Variants in CTNND2 observed in about 807,000 individuals in gnomAD.
CTNND2 encodes catenin delta-2.
Under a neutral mutation model 144.4 loss-of-function variants are expected in CTNND2, and 22 were observed. The observed-to-expected ratio is 0.15, with a 90% CI of 0.11 to 0.22. The LOEUF (loss-of-function observed/expected upper bound fraction) is 0.22, where lower values mean the gene tolerates loss of function less well. Among genes scored for constraint, CTNND2 ranks in the 10% least tolerant of loss-of-function variants. CTNND2 has a pLI of 1.00. For missense variants in CTNND2, 1,353 were observed against 1,618.8 expected (o/e 0.84, Z 2.82); for synonymous variants, 751 against 695.6 (o/e 1.08, Z -1.25).
At chr5:11,080,486 G>A (rs1165437798) in intron 16 of CTNND2, among the ~76,000 whole-genome samples, 1 of 152,172 alleles carries the variant, frequency 6.6e-6, no homozygotes, top group Non-Finnish European at 1.5e-5. Context: ...ATATCCAGAG[G>A]ATCTGGTATC....
In CTNND2 at chr5:11,897,408, G is replaced by A. The variant is rs111789918; in HGVS notation, c.37+6409C>T. Among the ~76,000 whole-genome samples, 1,052 of 152,162 alleles carry A rather than the reference G, an allele frequency of 6.9e-3. 6 individuals are homozygous for A. Among genetic ancestry groups the A allele is most frequent in the African/African-American group, 0.024 (1,004 of 41,518 alleles). On this transcript the variant is annotated intron_variant, in intron 1 of 21. Transcript: ENST00000304623. The stretch of plus-strand genomic sequence containing the variant: ...AATGTTTATCTTCTTTCTTTACTGT[G>A]TCCATGATTTCTCCTATTAATTGCA...
intron 2 of CTNND2, among the ~76,000 whole-genome samples, chr5:11,711,525 C>CACATAAAAGT (rs1786034180): frequency 6.6e-6 from 1 of 152,090 alleles, no homozygotes; most frequent in Admixed American, 6.5e-5. Context: ...ATGTTAATGG[C>CACATAAAAGT]ACATAAAAGT....
At position 11,262,761 on chromosome 5, in the gene CTNND2, CAAAAAAAAAAAAAAAAAAAAAA is replaced by C. The variant is rs11289676; in HGVS notation, c.1629-25960_1629-25939del. Among the ~76,000 whole-genome samples, 429 of 45,766 alleles carry C rather than the reference CAAAAAAAAAAAAAAAAAAAAAA, an allele frequency of 9.4e-3. 6 individuals are homozygous for C. Among genetic ancestry groups the C allele is most frequent in the Non-Finnish European group, 5.1e-3 (140 of 27,604 alleles). 30.0% of individuals were successfully genotyped at this position (45,766 alleles called of 152,430 possible). ...TGGGTGACAGAGTAAGACTCTGTCT[CAAAAAAAAAAAAAAAAAAAAAA>C]AAAAAGAAAGAAAGAAAGAAACGAA... On this transcript the variant is annotated intron_variant, in intron 9 of 21. Coordinates refer to ENST00000304623, the MANE Select transcript of CTNND2 (RefSeq NM_001332.4).
At chr5:11,827,591 G>A (rs1288723670) in intron 1 of CTNND2, among the ~76,000 whole-genome samples, 1 of 151,924 alleles carries the variant, frequency 6.6e-6, no homozygotes, top group African/African-American at 2.4e-5. Flanking sequence ...CTGAAGTCAG[G>A]GAAAAACAGA....
intron 1 of CTNND2, among the ~76,000 whole-genome samples, chr5:11,870,216 T>C (rs1322569791): frequency 2.0e-5 from 3 of 152,168 alleles, no homozygotes; most frequent in South Asian, 2.1e-4. Context: ...TAGGAGGCAT[T>C]TGGCAATCCC....
rs879365089 is a variant in CTNND2 at position 11,084,060 on chromosome 5, C to G, written c.2638-1214G>C. 3 of 609,468 alleles carry G rather than the reference C, an allele frequency of 4.9e-6. No individual in the cohort carries two copies. In the South Asian group the frequency reaches 1.7e-4, roughly 34 times the overall value. 37.8% of individuals were successfully genotyped at this position (609,468 alleles called of 1,614,324 possible). A position where few individuals can be genotyped will look rare whatever the true frequency, so the allele number is the denominator to read the frequency against. The stretch of plus-strand genomic sequence containing the variant: ...ATCAACCCACACTGTATGCTTTTGT[C>G]TCACCTCTACTTTGTATCTCAAGCT... On this transcript the variant is annotated intron_variant, in intron 15 of 21. Transcript: ENST00000304623.
chr5:11,375,974 G>T (rs911852637), intron 7 of CTNND2, among the ~76,000 whole-genome samples: 3 of 152,022 alleles, frequency 2.0e-5, no homozygotes, highest in Non-Finnish European at 4.4e-5. Flanking sequence ...TTAGGAGGTG[G>T]GGCCTCTGGG....
chr5:11,296,683 G>C (rs1438430726), intron 9 of CTNND2, among the ~76,000 whole-genome samples: 1 of 152,186 alleles, frequency 6.6e-6, no homozygotes, highest in African/African-American at 2.4e-5. Flanking sequence ...GTCCTTTGTA[G>C]GGACAAGGAT....
chr5:11,043,217 C>G (rs139563356), intron 16 of CTNND2, among the ~76,000 whole-genome samples: 15 of 151,910 alleles, frequency 9.9e-5, no homozygotes, highest in African/African-American at 3.6e-4. Context: ...TTGGTTTGTG[C>G]TTTAGATATT....
intron 9 of CTNND2, among the ~76,000 whole-genome samples, chr5:11,331,858 C>T (rs1279628895): frequency 6.6e-6 from 1 of 152,136 alleles, no homozygotes; most frequent in Non-Finnish European, 1.5e-5. Context: ...CTATTGCACA[C>T]TGGGGTGGCT....
At chr5:11,111,476 C>T (rs538689124) in intron 13 of CTNND2, among the ~76,000 whole-genome samples, 5 of 152,196 alleles carry the variant, frequency 3.3e-5, no homozygotes, top group East Asian at 1.9e-4. Context: ...TACTGCCCAC[C>T]GGAGCATTTT....
At chr5:11,014,018 C>T (rs1806984) in intron 18 of CTNND2, among the ~76,000 whole-genome samples, 25,891 of 152,218 alleles carry the variant, frequency 0.17, 2,394 homozygotes, top group Admixed American at 0.27. Flanking sequence ...TCAAGGTCAC[C>T]TGCTGGCCTT....
intron 11 of CTNND2, among the ~76,000 whole-genome samples, chr5:11,186,603 C>G (rs925640130): frequency 6.6e-6 from 1 of 152,196 alleles, no homozygotes; most frequent in African/African-American, 2.4e-5. Context: ...GTCTCCTAAT[C>G]CTCCACCCCT....
intron 7 of CTNND2, among the ~76,000 whole-genome samples, chr5:11,374,705 A>C (rs1757754723): frequency 6.6e-6 from 1 of 151,694 alleles, no homozygotes; most frequent in African/African-American, 2.4e-5. Flanking sequence ...TCTGGCTTCC[A>C]GACCTCATTA....
At chr5:11,504,406 T>A (rs1425736969) in intron 3 of CTNND2, among the ~76,000 whole-genome samples, 8 of 152,218 alleles carry the variant, frequency 5.3e-5, no homozygotes, top group South Asian at 2.1e-4. Flanking sequence ...TTTAAAAAAA[T>A]TGTATATGTA....
At chr5:11,318,599 T>C (rs1000046587) in intron 9 of CTNND2, among the ~76,000 whole-genome samples, 2 of 152,142 alleles carry the variant, frequency 1.3e-5, no homozygotes, top group Non-Finnish European at 2.9e-5. Context: ...ACCAGATCCT[T>C]CAACCCAACT....
intron 19 of CTNND2, among the ~76,000 whole-genome samples, chr5:10,992,320 T>C (rs1470173721): frequency 2.0e-5 from 3 of 152,210 alleles, no homozygotes; most frequent in Non-Finnish European, 2.9e-5. Flanking sequence ...TCAGGTTCAT[T>C]ACGTGCATGT....
chr5:11,101,723 CT>C (rs2149671064), intron 14 of CTNND2, among the ~76,000 whole-genome samples: 1 of 152,224 alleles, frequency 6.6e-6, no homozygotes, highest in South Asian at 2.1e-4. Flanking sequence ...TCTTTAAGAG[CT>C]TGAAATATGC....
intron 2 of CTNND2, among the ~76,000 whole-genome samples, chr5:11,699,742 G>A (rs916691834): frequency 2.6e-5 from 4 of 151,996 alleles, no homozygotes; most frequent in Admixed American, 6.6e-5. Flanking sequence ...TATCATCCAC[G>A]GGCTTCCTTT....
Sources: gnomAD v4.1 joint callset for allele counts (sites outside exome capture counted in the v4.1 genomes callset) on GRCh38, gnomAD v4.1.1 for gene constraint, MANE v1.5 for transcripts, NCBI Gene and HGNC (gene_info 2026-07-23, HGNC 2026-07-21) for gene names.